SLC5A1: variants seen among roughly 807,000 people sequenced by gnomAD.
The protein encoded by SLC5A1 is solute carrier family 5 member 1.
Under a neutral mutation model 73.5 loss-of-function variants are expected in SLC5A1, and 42 were observed. The ratio of observed to expected loss-of-function variants is 0.57; its 90% CI spans 0.45 to 0.74. The LOEUF is 0.74. SLC5A1 is among the 30% of genes least tolerant of loss of function. The pLI is 0.00. For synonymous variants in SLC5A1, 300 were observed against 317.4 expected (o/e 0.95, Z 0.58); for missense variants, 634 against 855.4 (o/e 0.74, Z 3.23).
At chr22:32,093,360 T>C (rs1181731739) in intron 11 of SLC5A1, among the ~76,000 whole-genome samples, 1 of 152,202 alleles carries the variant, frequency 6.6e-6, no homozygotes, top group Non-Finnish European at 1.5e-5. Context: ...GGTATTTTGA[T>C]GTGAATTGCA....
At chr22:32,084,765 G>A in intron 8 of SLC5A1, 106 bp downstream of exon 8, 1 of 1,505,642 alleles carries the variant, frequency 6.6e-7, no homozygotes, top group Non-Finnish European at 9.2e-7. Context: ...GGAGAGCTCA[G>A]GTGGTTTGTA....
intron 12 of SLC5A1, among the ~76,000 whole-genome samples, chr22:32,100,901 CAG>C (rs953540433): frequency 9.6e-4 from 146 of 152,252 alleles, no homozygotes; most frequent in African/African-American, 3.4e-3. Context: ...GATTGGGAGA[CAG>C]AGAACTATTG....
rs775842804 is a variant in SLC5A1, at chr22:32,066,948, T to A, written c.221T>A (p.Leu74His). 4.3e-6 allele frequency: 7 copies of A among 1,613,398 alleles called. No homozygotes were observed. Among genetic ancestry groups the A allele is most frequent in the Non-Finnish European group, 5.9e-6 (7 of 1,179,450 alleles). ...SMVWWPIGAS[L>H]FASNIGSGHF... ...TTGCGTTTCCAGATTGGAGCCTCCCTCTTTGCTAGTAACATTGGAAGTGGC... is the reference window on the plus strand; with the variant it reads ...TTGCGTTTCCAGATTGGAGCCTCCCACTTTGCTAGTAACATTGGAAGTGGC... The change falls in exon 3 of 15, where the codon CTC becomes CAC. Residue 74 changes from leucine (L) to histidine (H), a missense_variant. Coordinates refer to ENST00000266088, the MANE Select transcript of SLC5A1 (RefSeq NM_000343.4).
intron 2 of SLC5A1, among the ~76,000 whole-genome samples, chr22:32,062,066 T>G (rs532609263): frequency 8.5e-5 from 13 of 152,332 alleles, no homozygotes; most frequent in African/African-American, 2.9e-4. Context: ...TCTGTTGCAC[T>G]ATAAAGGGTG....
At chr22:32,049,819 A>T (rs1165645657) in intron 1 of SLC5A1, 124 bp from the exon 2 acceptor site, 1 of 811,344 alleles carries the variant, frequency 1.2e-6, no homozygotes, top group African/African-American at 1.7e-5. Context: ...GGAAGAAGGA[A>T]TGTGAAAGTG....
At chr22:32,076,412 C>A (rs562609926) in intron 5 of SLC5A1, among the ~76,000 whole-genome samples, 1 of 152,182 alleles carries the variant, frequency 6.6e-6, no homozygotes, top group Non-Finnish European at 1.5e-5. Flanking sequence ...TGCAAATGTG[C>A]ACAATCCCTG....
At chr22:32,073,550 T>G (rs942648684) in intron 5 of SLC5A1, among the ~76,000 whole-genome samples, 1 of 152,084 alleles carries the variant, frequency 6.6e-6, no homozygotes, top group Non-Finnish European at 1.5e-5. Flanking sequence ...TTGGTGTTTT[T>G]TTTGTTTGTT....
chr22:32,081,107 G>A (rs1394602692), intron 5 of SLC5A1, among the ~76,000 whole-genome samples: 1 of 152,094 alleles, frequency 6.6e-6, no homozygotes, highest in Non-Finnish European at 1.5e-5. Flanking sequence ...GCTCTCTGCT[G>A]GTTTATATGA....
intron 5 of SLC5A1, among the ~76,000 whole-genome samples, chr22:32,073,326 C>T (rs1221106939): frequency 1.3e-5 from 2 of 152,166 alleles, no homozygotes; most frequent in Non-Finnish European, 2.9e-5. Flanking sequence ...AATGGTCTTG[C>T]ACGTAAGTTT....
chr22:32,075,559 G>A (rs1319503253), intron 5 of SLC5A1, among the ~76,000 whole-genome samples: 1 of 152,138 alleles, frequency 6.6e-6, no homozygotes, highest in East Asian at 1.9e-4. Flanking sequence ...GACATTATAT[G>A]CCCCCTACCT....
intron 9 of SLC5A1, among the ~76,000 whole-genome samples, chr22:32,085,545 C>T (rs887549537): frequency 4.2e-5 from 6 of 141,832 alleles, no homozygotes; most frequent in African/African-American, 1.5e-4. Flanking sequence ...ATTGTTTCCT[C>T]CTTTTTTTTT....
At chr22:32,082,110 G>T (rs896206738) in intron 6 of SLC5A1, 139 bp downstream of exon 6, 4 of 707,288 alleles carry the variant, frequency 5.7e-6, no homozygotes, top group South Asian at 3.0e-5. Context: ...TGAGGTATTT[G>T]CTTAGTACCA....
intron 2 of SLC5A1, chr22:32,059,462 T>A (rs1318949598): frequency 3.4e-6 from 2 of 583,550 alleles, no homozygotes; most frequent in East Asian, 1.4e-4. Flanking sequence ...AAGAGGGCAT[T>A]CCAGGAAAAA....
At chr22:32,069,606 G>C (rs1195754046) in intron 5 of SLC5A1, among the ~76,000 whole-genome samples, 3 of 151,998 alleles carry the variant, frequency 2.0e-5, no homozygotes, top group African/African-American at 7.3e-5. Context: ...GCTCAACTGA[G>C]CCATCCCATA....
At chr22:32,060,294 T>A (rs994840817) in intron 2 of SLC5A1, among the ~76,000 whole-genome samples, 4 of 151,876 alleles carry the variant, frequency 2.6e-5, no homozygotes, top group African/African-American at 9.7e-5. Context: ...CAGGCTCAAG[T>A]GATTCTCCTG....
In SLC5A1 at chr22:32,112,581, T is replaced by A. The variant is rs1256380012; in HGVS notation, c.*2368T>A. ...TGGGTGGGGAGTTGTGCATATAAAC[T>A]ATTTAATGAGTACCAAACACAAAAG... On this transcript the variant is annotated 3_prime_UTR_variant, in exon 15 of 15. Coordinates refer to ENST00000266088, the MANE Select transcript of SLC5A1 (RefSeq NM_000343.4). The A allele has an allele frequency of 6.6e-6, 1 of 152,204 alleles. No homozygotes were observed. The highest frequency in any genetic ancestry group is 1.5e-5 in the Non-Finnish European group (1 of 68,050). The allele number at this position is 152,204 out of a possible 1,614,324, so 9.4% of individuals were successfully genotyped here. A position where few individuals can be genotyped will look rare whatever the true frequency, so the allele number is the denominator to read the frequency against.
In SLC5A1 at chr22:32,068,544, A is replaced by C; in HGVS notation, c.421A>C (p.Ile141Leu). 4.3e-6 allele frequency: 7 copies of C among 1,613,830 alleles called. No homozygotes were observed. Among genetic ancestry groups the C allele is most frequent in the Non-Finnish European group, 5.9e-6 (7 of 1,179,956 alleles). ...GAGGAAGCGGTTTGGAGGCCAGCGGATCCAGGTCTACCTTTCCCTTCTGTC... is the reference window on the plus strand; with the variant it reads ...GAGGAAGCGGTTTGGAGGCCAGCGGCTCCAGGTCTACCTTTCCCTTCTGTC... ...YLRKRFGGQR[I>L]QVYLSLLSLL... Residue 141 changes from isoleucine to leucine, a missense_variant, in exon 5 of 15, where the codon ATC becomes CTC. Ile to Leu is a conservative substitution (Grantham distance 5). Coordinates refer to ENST00000266088, the MANE Select transcript of SLC5A1 (RefSeq NM_000343.4).
intron 2 of SLC5A1, among the ~76,000 whole-genome samples, chr22:32,066,242 C>T (rs901064018): frequency 9.2e-5 from 14 of 152,092 alleles, no homozygotes; most frequent in African/African-American, 2.7e-4. Flanking sequence ...TAGACATGTG[C>T]GTATCCTTGA....
At chr22:32,102,320 A>T (rs1603143816) in intron 13 of SLC5A1, 83 bp downstream of exon 13, 1 of 972,598 alleles carries the variant, frequency 1.0e-6, no homozygotes, top group East Asian at 2.4e-5. Context: ...TTTCATTATT[A>T]TGGGTACATA....
Sources: allele counts gnomAD v4.1 joint callset (sites outside exome capture counted in the v4.1 genomes callset), GRCh38; gene constraint gnomAD v4.1.1; transcripts MANE v1.5; gene names NCBI Gene and HGNC (gene_info 2026-07-23, HGNC 2026-07-21).